CSNK1D: variants seen among roughly 807,000 people sequenced by gnomAD.
CSNK1D encodes the protein casein kinase 1 delta, also known as casein kinase I isoform delta.
A neutral mutation model predicts 46.6 loss-of-function variants in CSNK1D; 16 were observed. The observed-to-expected ratio is 0.34, with a 90% CI of 0.23 to 0.52. The LOEUF is 0.52. CSNK1D is among the 20% of genes least tolerant of loss of function. The pLI is 0.95. For missense variants in CSNK1D, 398 were observed against 578.4 expected (o/e 0.69, Z 3.20); for synonymous variants, 276 against 228.2 (o/e 1.21, Z -1.89).
intron 2 of CSNK1D, among the ~76,000 whole-genome samples, chr17:82,260,730 C>CCGACTGATGTGACTGAT (rs1568575707): frequency 8.9e-6 from 1 of 112,462 alleles, no homozygotes; most frequent in Non-Finnish European, 1.9e-5. Context: ...TACTGACTGA[C>CCGACTGATGTGACTGAT]GGTGTACCGA....
At position 82,244,024 on chromosome 17, in the gene CSNK1D, G is replaced by T. The variant is rs529081634; in HGVS notation, c.*757C>A. ...GCACCCCTGCCCCGCGGCAGCCTGC[G>T]GTCCCTAACTGCTCTCCGAGGGCCT... On this transcript the variant is annotated 3_prime_UTR_variant, in exon 9 of 9. Transcript: ENST00000314028. 74 of 987,130 alleles carry T rather than the reference G, an allele frequency of 7.5e-5. No individual in the cohort carries two copies. In the South Asian group the frequency reaches 1.3e-3, roughly 17 times the overall value. The allele number at this position is 987,130 out of a possible 1,614,324, so 61.1% of individuals were successfully genotyped here.
intron 2 of CSNK1D, among the ~76,000 whole-genome samples, chr17:82,258,443 C>T (rs1262756939): frequency 2.0e-5 from 3 of 151,928 alleles, no homozygotes; most frequent in Non-Finnish European, 4.4e-5. Flanking sequence ...TCCAAACTGC[C>T]CCCATTAGCA....
intron 1 of CSNK1D, among the ~76,000 whole-genome samples, chr17:82,268,862 G>A (rs1210684931): frequency 6.6e-6 from 1 of 152,092 alleles, no homozygotes; most frequent in Non-Finnish European, 1.5e-5. Context: ...GGGAGGCTGA[G>A]GCTGATGGAT....
Position 82,244,064 on chromosome 17 carries a change from A to G in CSNK1D, c.*717T>C, listed in dbSNP as rs916892487. The G allele has an allele frequency of 4.0e-6, 4 of 990,114 alleles. No homozygotes were observed. Among genetic ancestry groups the G allele is most frequent in the Non-Finnish European group, 3.6e-6 (3 of 832,632 alleles). The allele number at this position is 990,114 out of a possible 1,614,324, so 61.3% of individuals were successfully genotyped here. A position where few individuals can be genotyped will look rare whatever the true frequency, so the allele number is the denominator to read the frequency against. ...TCCGAGGGCCTCAAGAGTTCCTGAC[A>G]GCAGGCATGTCAATTACGGGAGGAG... On this transcript the variant is annotated 3_prime_UTR_variant, in exon 9 of 9. Coordinates refer to ENST00000314028, the MANE Select transcript of CSNK1D (RefSeq NM_001893.6).
Position 82,249,028 on chromosome 17 carries a change from G to A in CSNK1D, c.1058-14C>T. The A allele has an allele frequency of 3.9e-6, 6 of 1,552,598 alleles. No homozygotes were observed. Among genetic ancestry groups the A allele is most frequent in the Non-Finnish European group, 5.2e-6 (6 of 1,147,588 alleles). On this transcript the variant is annotated splice_polypyrimidine_tract_variant and intron_variant, in intron 7 of 8. Coordinates refer to ENST00000314028, the MANE Select transcript of CSNK1D (RefSeq NM_001893.6). The surrounding 1 kb of genome is among the most constrained non-coding windows in gnomAD (Gnocchi z 6.7). ...GGGAGGTGTTAGCTGAGGACAGGGA[G>A]AGAAACGGAGTGGGCCGCCCCCGTC... is the stretch of plus-strand genomic sequence containing the variant.
In CSNK1D at chr17:82,244,338, GAC is replaced by G. The variant is rs2050796333; in HGVS notation, c.*441_*442del. 1 of 1,102,784 alleles carries G rather than the reference GAC, an allele frequency of 9.1e-7. No individual in the cohort carries two copies. The highest frequency in any genetic ancestry group is 6.8e-5 in the East Asian group (1 of 14,736). 68.3% of individuals were successfully genotyped at this position (1,102,784 alleles called of 1,614,324 possible). ...TTTTTTTTGTAAGACTGCAAAAACA[GAC>G]AAGAAACAATAAAAAGACAGATTTT... is the stretch of plus-strand genomic sequence containing the variant. On this transcript the variant is annotated 3_prime_UTR_variant, in exon 9 of 9. Coordinates refer to ENST00000314028, the MANE Select transcript of CSNK1D (RefSeq NM_001893.6).
chr17:82,249,217 G>A lies in CSNK1D; in HGVS notation c.1058-203C>T. On this transcript the variant is annotated intron_variant, in intron 7 of 8. Coordinates refer to ENST00000314028, the MANE Select transcript of CSNK1D (RefSeq NM_001893.6). This position sits in a 1 kb window ranked among gnomAD's most constrained non-coding sequence, Gnocchi z 6.7. Reference sequence around the variant, plus strand: ...GCGAGGTCAAGGGGCTCACAGGGGAGGAACGTGAGATGCGGGAGGAATCAC... The same window carrying A: ...GCGAGGTCAAGGGGCTCACAGGGGAAGAACGTGAGATGCGGGAGGAATCAC... The A allele has an allele frequency of 6.5e-6, 5 of 774,384 alleles. No homozygotes were observed. The highest frequency in any genetic ancestry group is 8.1e-6 in the Non-Finnish European group (4 of 492,074). 48.0% of individuals were successfully genotyped at this position (774,384 alleles called of 1,614,324 possible). A position where few individuals can be genotyped will look rare whatever the true frequency, so the allele number is the denominator to read the frequency against.
At position 82,244,922 on chromosome 17, in the gene CSNK1D, G is replaced by A. The variant is rs913906606; in HGVS notation, c.1198-91C>T. The A allele has an allele frequency of 3.3e-5, 51 of 1,551,054 alleles. No individual in the cohort carries two copies. In the East Asian group the frequency reaches 1.1e-3, roughly 32 times the overall value. On this transcript the variant is annotated intron_variant, in intron 8 of 8. Coordinates refer to ENST00000314028, the MANE Select transcript of CSNK1D (RefSeq NM_001893.6). ...CAGTGACGGTGCTGGGCAGGGAGGG[G>A]ACGCACCGCCACCGCCTAGCCCCAG... is the stretch of plus-strand genomic sequence containing the variant.
chr17:82,265,921 C>T, intron 1 of CSNK1D, 125 bp from the exon 2 acceptor site: 1 of 822,036 alleles, frequency 1.2e-6, no homozygotes, highest in Non-Finnish European at 2.1e-6. Flanking sequence ...TGTTCTCCTT[C>T]CTAGCATAGT....
Position 82,250,147 on chromosome 17 carries a change from T to TG in CSNK1D, c.886-546dup, listed in dbSNP as rs2050963831. Reference sequence around the variant, plus strand: ...GCTGCACTATCCAGATGCACGGGGGTGGGGAGGTCAGATTTTAAGCCGAGA... The same window carrying TG: ...GCTGCACTATCCAGATGCACGGGGGTGGGGGAGGTCAGATTTTAAGCCGAGA... On this transcript the variant is annotated intron_variant, in intron 6 of 8. Transcript: ENST00000314028. The surrounding 1 kb of genome is among the most constrained non-coding windows in gnomAD (Gnocchi z 4.6). 1 of 1,288,994 alleles carries TG rather than the reference T, an allele frequency of 7.8e-7. No homozygotes were observed. The highest frequency in any genetic ancestry group is 1.5e-5 in the African/African-American group (1 of 65,416). The allele number at this position is 1,288,994 out of a possible 1,614,324, so 79.8% of individuals were successfully genotyped here. A position where few individuals can be genotyped will look rare whatever the true frequency, so the allele number is the denominator to read the frequency against.
chr17:82,247,704 T>C, intron 8 of CSNK1D: 1 of 985,204 alleles, frequency 1.0e-6, no homozygotes, highest in Non-Finnish European at 1.2e-6. Flanking sequence ...TGTCTGGAGG[T>C]GACAGCAGGG....
intron 2 of CSNK1D, among the ~76,000 whole-genome samples, chr17:82,262,883 G>C (rs1354966330): frequency 7.2e-5 from 11 of 152,236 alleles, no homozygotes; most frequent in African/African-American, 1.4e-4. Context: ...CAGATCTTTA[G>C]ATCTTTACAG....
At chr17:82,239,034 T>C (rs1009652190), downstream of CSNK1D, 7 of 1,466,162 alleles carry the variant, frequency 4.8e-6, no homozygotes, top group Admixed American at 2.4e-5. Context: ...CAACGCTTGC[T>C]ATTTATTTTA....
At position 82,255,133 on chromosome 17, in the gene CSNK1D, G is replaced by A; in HGVS notation, c.336+296C>T. ...GAAGCCAGTGAGCTGAGCCGTCGGAGCCTCCAGAAGCCAGTGAGCTGGGCC... is the reference window on the plus strand; with the variant it reads ...GAAGCCAGTGAGCTGAGCCGTCGGAACCTCCAGAAGCCAGTGAGCTGGGCC... On this transcript the variant is annotated intron_variant, in intron 3 of 8. Coordinates refer to ENST00000314028, the MANE Select transcript of CSNK1D (RefSeq NM_001893.6). This position sits in a 1 kb window ranked among gnomAD's most constrained non-coding sequence, Gnocchi z 5.9. The A allele has an allele frequency of 2.3e-6, 1 of 436,064 alleles. No individual in the cohort carries two copies. The highest frequency in any genetic ancestry group is 4.2e-6 in the Non-Finnish European group (1 of 237,536). 27.0% of individuals were successfully genotyped at this position (436,064 alleles called of 1,614,324 possible). A position where few individuals can be genotyped will look rare whatever the true frequency, so the allele number is the denominator to read the frequency against.
At chr17:82,266,204 C>T (rs1356556940) in intron 1 of CSNK1D, among the ~76,000 whole-genome samples, 2 of 152,148 alleles carry the variant, frequency 1.3e-5, no homozygotes, top group Non-Finnish European at 2.9e-5. Context: ...TGATAGGCCT[C>T]CGAGGGGGTG....
Position 82,253,405 on chromosome 17 carries a change from T to C in CSNK1D, c.337-161A>G, listed in dbSNP as rs967887739. 4 of 681,792 alleles carry C rather than the reference T, an allele frequency of 5.9e-6. No homozygotes were observed. In the African/African-American group the frequency reaches 7.0e-5, roughly 12 times the overall value. 42.2% of individuals were successfully genotyped at this position (681,792 alleles called of 1,614,324 possible). A position where few individuals can be genotyped will look rare whatever the true frequency, so the allele number is the denominator to read the frequency against. ...GGGGGATGCCGAACTGACCAAATTG[T>C]TCCCCCAGGTGCCTGCAGCAACCCT... On this transcript the variant is annotated intron_variant, in intron 3 of 8. Coordinates refer to ENST00000314028, the MANE Select transcript of CSNK1D (RefSeq NM_001893.6).
At position 82,248,588 on chromosome 17, in the gene CSNK1D, C is replaced by A. The variant is rs571782473; in HGVS notation, c.1197+287G>T. On this transcript the variant is annotated intron_variant, in intron 8 of 8. Transcript: ENST00000314028. The surrounding 1 kb of genome is among the most constrained non-coding windows in gnomAD (Gnocchi z 4.1). ...CTGGGGACGGCTGCGGGCAGCGGGG[C>A]ACTCAAACAGCAGGAGAAAGCCCCC... 1.9e-5 allele frequency: 24 copies of A among 1,276,430 alleles called. No homozygotes were observed. The highest frequency in any genetic ancestry group is 2.1e-5 in the Non-Finnish European group (21 of 1,002,304). The allele number at this position is 1,276,430 out of a possible 1,614,324, so 79.1% of individuals were successfully genotyped here. A position where few individuals can be genotyped will look rare whatever the true frequency, so the allele number is the denominator to read the frequency against.
rs897030784 is a variant in CSNK1D, at chr17:82,265,040, C to T, written c.187+646G>A. Among the ~76,000 whole-genome samples the T allele has an allele frequency of 3.9e-5, 6 of 151,954 alleles. No homozygotes were observed. In the East Asian group the frequency reaches 9.7e-4, roughly 25 times the overall value. ...GGTCTCGAGCTCCTGACCTCGTGAT[C>T]CGCCTGCCTCGGCCTCCCAAAGTGC... On this transcript the variant is annotated intron_variant, in intron 2 of 8. Transcript: ENST00000314028.
downstream of CSNK1D, chr17:82,239,677 G>GCCCA (rs879668263): frequency 9.4e-5 from 31 of 331,006 alleles, no homozygotes; most frequent in Non-Finnish European, 1.4e-4. Context: ...TGCCAGGGTG[G>GCCCA]CCTCTGAAAT....
Sources: gnomAD v4.1 joint callset for allele counts (sites outside exome capture counted in the v4.1 genomes callset) on GRCh38, gnomAD v4.1.1 for gene constraint, Gnocchi (gnomAD v3.1) non-coding constraint, MANE v1.5 for transcripts, NCBI Gene and HGNC (gene_info 2026-07-23, HGNC 2026-07-21) for gene names.